Variants in CCDC9 observed in about 807,000 individuals in gnomAD.
CCDC9 encodes the protein coiled-coil domain-containing protein 9.
Under a neutral mutation model 65.6 loss-of-function variants are expected in CCDC9, and 52 were observed. The observed-to-expected ratio is 0.79, with a 90% CI of 0.63 to 1.00. The LOEUF (loss-of-function observed/expected upper bound fraction) is 1.00, where lower values mean the gene tolerates loss of function less well. Among genes scored for constraint, CCDC9 ranks in the 50% least tolerant of loss-of-function variants. The pLI is 0.00. For synonymous variants in CCDC9, 332 were observed against 280.3 expected (o/e 1.18, Z -1.84); for missense variants, 834 against 757.2 (o/e 1.10, Z -1.19).
At chr19:47,260,481 C>G in intron 4 of CCDC9, 59 bp downstream of exon 4, 1 of 1,607,254 alleles carries the variant, frequency 6.2e-7, no homozygotes, top group South Asian at 1.1e-5. Context: ...GGGTTGAGGC[C>G]TGGGACCCAG....
At chr19:47,275,624 G>T, downstream of CCDC9, 3 of 490,082 alleles carry the variant, frequency 6.1e-6, no homozygotes, top group Non-Finnish European at 1.1e-5. Flanking sequence ...TGAGCACAGA[G>T]CCCACAGCCC....
intron 7 of CCDC9, 155 bp from the exon 8 acceptor site, chr19:47,266,456 C>T: frequency 1.7e-6 from 2 of 1,161,574 alleles, no homozygotes; most frequent in Non-Finnish European, 1.2e-6. Context: ...TCTGAGAGGG[C>T]CTCTGTGAGG....
chr19:47,260,962 T>G, intron 5 of CCDC9, 123 bp downstream of exon 5: 2 of 1,143,898 alleles, frequency 1.7e-6, no homozygotes, highest in Non-Finnish European at 2.4e-6. Context: ...CTCTGAGCCT[T>G]TGCATCTGGC....
At chr19:47,259,858 G>C (rs138441323) in intron 3 of CCDC9, among the ~76,000 whole-genome samples, 4 of 152,280 alleles carry the variant, frequency 2.6e-5, no homozygotes, top group Non-Finnish European at 5.9e-5. Flanking sequence ...AGGGGAGCTG[G>C]TTTCCACAGG....
downstream of CCDC9, among the ~76,000 whole-genome samples, chr19:47,274,239 G>A (rs1047892345): frequency 6.6e-6 from 1 of 152,110 alleles, no homozygotes. Flanking sequence ...TGTGCTGGAG[G>A]AGGCGGGTCC....
At chr19:47,261,116 C>G (rs556587095) in intron 5 of CCDC9, among the ~76,000 whole-genome samples, 8 of 152,104 alleles carry the variant, frequency 5.3e-5, no homozygotes, top group Middle Eastern at 3.4e-3. Context: ...CTTCTTGTTC[C>G]TCCTCGCCTT....
Position 47,260,428 on chromosome 19 carries a change from C to T in CCDC9, c.210+6C>T, listed in dbSNP as rs374721534. ...AGAACGTGGCAGTGGAGTCGGTGAG[C>T]TCGTCACTGGGGTGTGGGACCCTGA... On this transcript the variant is annotated splice_donor_region_variant and intron_variant, in intron 4 of 11. Transcript: ENST00000221922. The T allele has an allele frequency of 1.2e-6, 2 of 1,608,910 alleles. No homozygotes were observed. The highest frequency in any genetic ancestry group is 2.2e-5 in the East Asian group (1 of 44,590).
At chr19:47,268,774 G>A (rs553893740) in intron 8 of CCDC9, among the ~76,000 whole-genome samples, 17 of 151,758 alleles carry the variant, frequency 1.1e-4, no homozygotes, top group Non-Finnish European at 2.4e-4. Flanking sequence ...AAAATTAGCC[G>A]GGTGTGGTGG....
chr19:47,275,534 T>G, downstream of CCDC9: 1 of 789,812 alleles, frequency 1.3e-6, no homozygotes, highest in Non-Finnish European at 1.9e-6. Context: ...TTGCAGCTAC[T>G]CTGTGGTCAG....
At position 47,260,738 on chromosome 19, in the gene CCDC9, C is replaced by CGAG. The variant is rs769576487; in HGVS notation, c.371_373dup (p.Gly124dup). The CGAG allele has an allele frequency of 6.9e-6, 11 of 1,602,110 alleles. No homozygotes were observed. The highest frequency in any genetic ancestry group is 5.2e-5 in the Admixed American group (3 of 57,270). ...GGAGGGCAGCCCCGGGGAGCAGCCT[C>CGAG]GAGGAGGAGGAGCTGGGGGCCGTGG... On this transcript the variant is annotated inframe_insertion, in exon 5 of 12. Coordinates refer to ENST00000221922, the MANE Select transcript of CCDC9 (RefSeq NM_015603.3).
chr19:47,268,991 A>G (rs946567858), intron 8 of CCDC9, among the ~76,000 whole-genome samples: 1 of 151,960 alleles, frequency 6.6e-6, no homozygotes, highest in East Asian at 1.9e-4. Context: ...AATCCCCACA[A>G]TCCCAGCACT....
chr19:47,271,631 G>A lies in CCDC9; in HGVS notation c.1549G>A (p.Ala517Thr). Residue 517 changes from alanine to threonine, a missense_variant, in exon 12 of 12, where the codon GCT becomes ACT. By Grantham distance (58) the Ala-to-Thr change is moderately conservative. Coordinates refer to ENST00000221922, the MANE Select transcript of CCDC9 (RefSeq NM_015603.3). ...ELNSPRTTHL[A>T]GALSPGEAWP... ...GAATTCTCCCCGGACCACTCACCTG[G>A]CTGGCGCCCTCTCCCCGGGTGAGGC... The A allele has an allele frequency of 6.2e-7, 1 of 1,607,708 alleles. No individual in the cohort carries two copies. Among genetic ancestry groups the A allele is most frequent in the Non-Finnish European group, 8.5e-7 (1 of 1,176,690 alleles).
chr19:47,273,442 G>A (rs969188501), downstream of CCDC9: 9 of 1,203,972 alleles, frequency 7.5e-6, no homozygotes, highest in East Asian at 2.5e-4. Flanking sequence ...CCCCTCCGCT[G>A]CCGGGGGCCG....
rs376149307 is a variant in CCDC9, at chr19:47,266,675, C to T, written c.785C>T (p.Ser262Leu). ...TTGTCCATGACGGGCCGGGAGCGGT[C>T]GGAGTACCTGCGCTGGAAGCAGGAG... is the stretch of plus-strand genomic sequence containing the variant. The part of the protein sequence containing the change: ...MTLSMTGRER[S>L]EYLRWKQERE... Residue 262 changes from serine to leucine, a missense_variant, in exon 8 of 12, where the codon TCG becomes TTG. By Grantham distance (145) the Ser-to-Leu change is moderately radical (BLOSUM62 -2). Transcript: ENST00000221922. 3.2e-5 allele frequency: 52 copies of T among 1,605,204 alleles called. No individual in the cohort carries two copies. Among genetic ancestry groups the T allele is most frequent in the African/African-American group, 5.3e-5 (4 of 74,946 alleles).
chr19:47,273,908 CG>C, downstream of CCDC9: 6 of 924,520 alleles, frequency 6.5e-6, no homozygotes, highest in Non-Finnish European at 7.7e-6. Context: ...GCGGAAGAGG[CG>C]GAAGGAAGGG....
At chr19:47,265,984 C>CTTTTTT (rs1158302196) in intron 7 of CCDC9, among the ~76,000 whole-genome samples, 1 of 72,626 alleles carries the variant, frequency 1.4e-5, no homozygotes, top group Non-Finnish European at 2.3e-5. Context: ...CCGCTCCTGG[C>CTTTTTT]TTTTTTTTTT....
At chr19:47,273,847 T>C (rs542362083), downstream of CCDC9, 30 of 379,032 alleles carry the variant, frequency 7.9e-5, no homozygotes, top group South Asian at 3.0e-3. Flanking sequence ...CCTTGAACTG[T>C]GTTTCTGGAG....
In CCDC9 at chr19:47,270,577, C is replaced by T. The variant is rs775240151; in HGVS notation, c.974C>T (p.Pro325Leu). 27 of 1,613,954 alleles carry T rather than the reference C, an allele frequency of 1.7e-5. No individual in the cohort carries two copies. The highest frequency in any genetic ancestry group is 1.6e-4 in the African/African-American group (12 of 75,054). ...GATGACCAGGCCTGGGCCCGGCCCC[C>T]GAAGCCCCCTACTTTTGGGGAGTTC... Reference protein sequence around the residue: ...RYDDQAWARPPKPPTFGEFLS... With the variant: ...RYDDQAWARPLKPPTFGEFLS... The change falls in exon 10 of 12, where the codon CCG becomes CTG. Residue 325 changes from proline (P) to leucine (L), a missense_variant. Pro to Leu is a moderately conservative substitution (Grantham distance 98). Coordinates refer to ENST00000221922, the MANE Select transcript of CCDC9 (RefSeq NM_015603.3).
At chr19:47,260,196 T>C (rs976794174) in intron 3 of CCDC9, 125 bp from the exon 4 acceptor site, 12 of 673,228 alleles carry the variant, frequency 1.8e-5, no homozygotes, top group Non-Finnish European at 2.9e-5. Flanking sequence ...ATGAGCGGCC[T>C]TCTTGTTCAG....
Sources: allele counts gnomAD v4.1 joint callset (sites outside exome capture counted in the v4.1 genomes callset), GRCh38; gene constraint gnomAD v4.1.1; transcripts MANE v1.5; gene names NCBI Gene and HGNC (gene_info 2026-07-23, HGNC 2026-07-21).